The following TAOK1 variants were observed in gnomAD, a reference collection of about 807,000 sequenced individuals.
The protein encoded by TAOK1 is serine/threonine-protein kinase TAO1.
A neutral mutation model predicts 138.3 loss-of-function variants in TAOK1; 21 were observed. That is an observed-to-expected ratio of 0.15 (90% confidence interval 0.11 to 0.22). The LOEUF (loss-of-function observed/expected upper bound fraction) is 0.22. TAOK1 is among the 10% of genes least tolerant of loss of function. The pLI is 1.00. For synonymous variants in TAOK1, 361 were observed against 398.4 expected (o/e 0.91, Z 1.12); for missense variants, 651 against 1,227.7 (o/e 0.53, Z 7.02).
At chr17:29,498,176 G>T in intron 11 of TAOK1, 142 bp from the exon 12 acceptor site, 1 of 755,996 alleles carries the variant, frequency 1.3e-6, no homozygotes, top group Non-Finnish European at 2.1e-6. Flanking sequence ...TCCTGGTCTT[G>T]GAAAATAAAA....
intron 14 of TAOK1, among the ~76,000 whole-genome samples, chr17:29,509,693 A>C (rs2153029427): frequency 1.3e-5 from 2 of 151,240 alleles, no homozygotes; most frequent in South Asian, 4.3e-4. Flanking sequence ...CAGGAGTTCA[A>C]GACCAGCCTG....
intron 1 of TAOK1, among the ~76,000 whole-genome samples, chr17:29,413,553 G>A (rs527287474): frequency 8.9e-4 from 136 of 152,206 alleles, no homozygotes; most frequent in Non-Finnish European, 1.5e-3. Context: ...TGGAGATCAC[G>A]CCACTGCACT....
chr17:29,439,063 A>T (rs932597194), intron 1 of TAOK1, among the ~76,000 whole-genome samples: 3 of 152,064 alleles, frequency 2.0e-5, no homozygotes, highest in Non-Finnish European at 4.4e-5. Flanking sequence ...GACCCTAAAT[A>T]CTTCAGTATG....
intron 16 of TAOK1, among the ~76,000 whole-genome samples, chr17:29,520,882 G>A (rs1452378451): frequency 6.6e-6 from 1 of 151,966 alleles, no homozygotes; most frequent in East Asian, 2.0e-4. Context: ...AAATTAGCCA[G>A]GCGTGGTGGC....
chr17:29,468,610 C>T (rs868545476), intron 3 of TAOK1, among the ~76,000 whole-genome samples: 10 of 151,340 alleles, frequency 6.6e-5, no homozygotes, highest in Admixed American at 3.3e-4. Context: ...TGCAGTGGCG[C>T]GATCTTGGCT....
At chr17:29,420,485 T>C (rs906626008) in intron 1 of TAOK1, among the ~76,000 whole-genome samples, 1 of 152,198 alleles carries the variant, frequency 6.6e-6, no homozygotes, top group Non-Finnish European at 1.5e-5. Context: ...AATGCCTTTT[T>C]TTTTCTTCTT....
intron 15 of TAOK1, 29 bp downstream of exon 15, chr17:29,511,021 A>T: frequency 6.4e-7 from 1 of 1,564,720 alleles, no homozygotes; most frequent in Non-Finnish European, 8.6e-7. Flanking sequence ...TTTCCAAGCA[A>T]ATTTTCTGCT....
intron 13 of TAOK1, among the ~76,000 whole-genome samples, chr17:29,507,275 T>C (rs917542841): frequency 1.3e-5 from 2 of 151,860 alleles, no homozygotes; most frequent in Non-Finnish European, 2.9e-5. Context: ...TTTTTTTGTT[T>C]TTTTTTTTCT....
At chr17:29,466,134 C>G (rs1316646661) in intron 2 of TAOK1, among the ~76,000 whole-genome samples, 2 of 151,972 alleles carry the variant, frequency 1.3e-5, no homozygotes, top group Non-Finnish European at 2.9e-5. Flanking sequence ...TTTCTAGTTT[C>G]AAAATCTTTT....
intron 1 of TAOK1, among the ~76,000 whole-genome samples, chr17:29,392,924 C>T (rs1251079305): frequency 6.6e-6 from 1 of 152,136 alleles, no homozygotes; most frequent in African/African-American, 2.4e-5. Flanking sequence ...GCGCTAGGCA[C>T]TAACTTAGTT....
intron 16 of TAOK1, among the ~76,000 whole-genome samples, chr17:29,521,453 T>C (rs1165065593): frequency 2.0e-5 from 3 of 152,224 alleles, no homozygotes; most frequent in Non-Finnish European, 4.4e-5. Flanking sequence ...ATCTGTGAAA[T>C]AGCTATATTA....
intron 1 of TAOK1, among the ~76,000 whole-genome samples, chr17:29,435,200 GCT>G (rs567657263): frequency 7.0e-4 from 107 of 152,316 alleles, no homozygotes; most frequent in African/African-American, 2.5e-3. Flanking sequence ...CTGAGATGCA[GCT>G]GGAGATTGCT....
intron 1 of TAOK1, among the ~76,000 whole-genome samples, chr17:29,436,508 G>A (rs1276654208): frequency 6.6e-6 from 1 of 152,180 alleles, no homozygotes; most frequent in East Asian, 1.9e-4. Context: ...TCTGAAGTCT[G>A]TATTTGAGAG....
intron 12 of TAOK1, among the ~76,000 whole-genome samples, chr17:29,501,371 C>G (rs1299192915): frequency 6.6e-6 from 1 of 150,810 alleles, no homozygotes; most frequent in South Asian, 2.1e-4. Context: ...TGCAGTTAGC[C>G]TTGATCATAC....
intron 1 of TAOK1, among the ~76,000 whole-genome samples, chr17:29,406,757 A>G (rs186386942): frequency 4.0e-4 from 61 of 152,240 alleles, no homozygotes; most frequent in Non-Finnish European, 6.9e-4. Flanking sequence ...TTGTAGTGAC[A>G]GGGTTTCTCC....
intron 1 of TAOK1, among the ~76,000 whole-genome samples, chr17:29,402,341 C>T (rs943837281): frequency 9.2e-5 from 14 of 152,158 alleles, no homozygotes; most frequent in African/African-American, 4.8e-5. Context: ...CAGTCCCCTT[C>T]CCTATGCTAG....
chr17:29,498,254 A>G (rs2031450648), intron 11 of TAOK1, 64 bp from the exon 12 acceptor site: 9 of 1,564,822 alleles, frequency 5.8e-6, no homozygotes, highest in Non-Finnish European at 7.9e-6. Context: ...GCTTATAGTC[A>G]AGAATTCAGA....
chr17:29,540,142 G>A (rs991198051), intron 19 of TAOK1, among the ~76,000 whole-genome samples: 1 of 152,160 alleles, frequency 6.6e-6, no homozygotes, highest in African/African-American at 2.4e-5. Flanking sequence ...ATGGACTGGA[G>A]TAAGAAGAGT....
rs1340536163 is a variant in TAOK1, at chr17:29,534,316, G to A, written c.2544+16G>A. ...AGAACAAAAGGTATAAGTAATAGAA[G>A]GAAAAATCATTGTTTTCGAATTAGC... On this transcript the variant is annotated intron_variant, in intron 19 of 19. Transcript: ENST00000261716. The A allele has an allele frequency of 6.7e-7, 1 of 1,500,618 alleles. No individual in the cohort carries two copies. Among genetic ancestry groups the A allele is most frequent in the Non-Finnish European group, 8.9e-7 (1 of 1,123,348 alleles). 93.0% of individuals were successfully genotyped at this position (1,500,618 alleles called of 1,614,324 possible).
Sources: gnomAD v4.1 joint callset for allele counts (sites outside exome capture counted in the v4.1 genomes callset) on GRCh38, gnomAD v4.1.1 for gene constraint, MANE v1.5 for transcripts, NCBI Gene and HGNC (gene_info 2026-07-23, HGNC 2026-07-21) for gene names.